DKC1: variants seen among roughly 807,000 people sequenced by gnomAD.
The protein encoded by DKC1 is H/ACA ribonucleoprotein complex subunit DKC1.
A neutral mutation model predicts 46.7 loss-of-function variants in DKC1; 4 were observed. The ratio of observed to expected loss-of-function variants is 0.09; its 90% CI spans 0.04 to 0.20. DKC1 has a LOEUF of 0.20. Among genes scored for constraint, DKC1 ranks in the 10% least tolerant of loss-of-function variants. DKC1 has a pLI of 1.00. For missense variants in DKC1, 171 were observed against 404.2 expected, an observed-to-expected ratio of 0.42 and a Z score of 4.95; for synonymous variants, 141 against 142.4, an observed-to-expected ratio of 0.99 and a Z score of 0.07.
chrX:154,763,205 C>G (rs1346121723), intron 1 of DKC1, among the ~76,000 whole-genome samples: 1 of 112,014 alleles, frequency 8.9e-6, no homozygotes, highest in Non-Finnish European at 1.9e-5. Flanking sequence ...GGGCTCGGCC[C>G]TCTCACCTCC....
intron 11 of DKC1, among the ~76,000 whole-genome samples, chrX:154,773,721 A>G (rs1435828419): frequency 1.8e-5 from 2 of 112,002 alleles, no homozygotes; most frequent in African/African-American, 6.5e-5. Context: ...AGACACGGCA[A>G]CCATCCGATT....
At chrX:154,770,637 A>G (rs782109688) in intron 9 of DKC1, 122 bp from the exon 10 acceptor site, 17 of 967,514 alleles carry the variant, frequency 1.8e-5, no homozygotes, top group Middle Eastern at 3.6e-4. Context: ...CTAGTGGGCT[A>G]TAAGTGTCAT....
intron 9 of DKC1, among the ~76,000 whole-genome samples, chrX:154,770,522 C>T (rs1479086739): frequency 9.9e-6 from 1 of 101,158 alleles, no homozygotes; most frequent in African/African-American, 3.6e-5. Context: ...AACCTGAAAA[C>T]CTGAAAGTCT....
Position 154,769,223 on chromosome X carries a change from C to T in DKC1, c.828C>T (p.His276=), listed in dbSNP as rs1603429504. Residue 276 remains histidine, a synonymous_variant, in exon 9 of 15, where the codon CAC becomes CAT. Coordinates refer to ENST00000369550, the MANE Select transcript of DKC1 (RefSeq NM_001363.5). ...VLDAQWLYDN[H]KDESYLRRVV... ...ATGCTCAGTGGCTGTATGATAACCA[C>T]AAGGATGAGAGTTACCTGCGGCGAG... is the stretch of plus-strand genomic sequence containing the variant. 1.7e-6 allele frequency: 2 copies of T among 1,210,522 alleles called. No individual in the cohort carries two copies. Among genetic ancestry groups the T allele is most frequent in the Non-Finnish European group, 1.1e-6 (1 of 894,787 alleles).
Position 154,765,987 on chromosome X carries a change from G to A in DKC1, c.252G>A (p.Gly84=), listed in dbSNP as rs1557264111. ...CGSNPLKREI[G]DYIRTGFINL... is the part of the protein sequence containing the mutation. The stretch of plus-strand genomic sequence containing the variant: ...CAAATCCTCTGAAGAGAGAGATTGG[G>A]GACTATATCAGGTAAGTGTTGGGAG... The change falls in exon 4 of 15, where the codon GGG becomes GGA. Residue 84 remains glycine, a synonymous_variant. Coordinates refer to ENST00000369550, the MANE Select transcript of DKC1 (RefSeq NM_001363.5). 8.3e-7 allele frequency: 1 copy of A among 1,199,108 alleles called. No individual in the cohort carries two copies. Among genetic ancestry groups the A allele is most frequent in the East Asian group, 3.0e-5 (1 of 33,832 alleles).
intron 4 of DKC1, 71 bp downstream of exon 4, chrX:154,766,069 A>C (rs988960799): frequency 2.0e-6 from 2 of 1,006,200 alleles, no homozygotes; most frequent in African/African-American, 3.7e-5. Context: ...GCTATTCAGG[A>C]AGGCAGTGGC....
intron 1 of DKC1, among the ~76,000 whole-genome samples, chrX:154,764,406 C>T (rs1264965336): frequency 1.8e-5 from 2 of 109,097 alleles, no homozygotes; most frequent in African/African-American, 3.3e-5. Context: ...ACCTAGGCTA[C>T]ACTAAATTTA....
chrX:154,766,908 G>A, intron 5 of DKC1, 89 bp from the exon 6 acceptor site: 4 of 884,333 alleles, frequency 4.5e-6, no homozygotes, highest in South Asian at 2.0e-5. Flanking sequence ...TTTTCCTGCT[G>A]TGCAAAATGG....
intron 7 of DKC1, among the ~76,000 whole-genome samples, chrX:154,767,843 CTTTTTTTTTTTTT>C (rs35184460): frequency 3.1e-5 from 2 of 65,175 alleles, no homozygotes; most frequent in African/African-American, 6.8e-5. Context: ...AATTACAGAT[CTTTTTTTTTTTTT>C]TTTTTTTTTT....
chrX:154,770,467 T>TAAA (rs150045442), intron 9 of DKC1, among the ~76,000 whole-genome samples: 69 of 67,748 alleles, frequency 1.0e-3, no homozygotes, highest in Non-Finnish European at 1.5e-3. Context: ...GCCTGAAAAT[T>TAAA]AAAAAAAAAA....
intron 4 of DKC1, 104 bp downstream of exon 4, chrX:154,766,102 A>G (rs1418082311): frequency 2.0e-6 from 2 of 995,170 alleles, no homozygotes; most frequent in African/African-American, 3.8e-5. Flanking sequence ...CTTTGTCTTG[A>G]ATATATAACC....
intron 2 of DKC1, 150 bp downstream of exon 2, chrX:154,765,116 C>A: frequency 1.9e-6 from 1 of 513,052 alleles, no homozygotes; most frequent in Non-Finnish European, 3.4e-6. Context: ...TGAAATGACA[C>A]AGCCCCAGAC....
At chrX:154,776,087 T>C (rs1406758645) in intron 13 of DKC1, 100 bp from the exon 14 acceptor site, 2 of 1,042,499 alleles carry the variant, frequency 1.9e-6, no homozygotes, top group Non-Finnish European at 2.7e-6. Context: ...TTAGATTCAG[T>C]TGGGATCTTT....
intron 5 of DKC1, 191 bp downstream of exon 5, chrX:154,766,591 C>T (rs2071748063): frequency 2.2e-6 from 1 of 457,917 alleles, no homozygotes; most frequent in African/African-American, 2.5e-5. Context: ...TGGAATTCCA[C>T]ATACTAAGCA....
Position 154,765,934 on chromosome X carries a change from A to G in DKC1, c.199A>G (p.Thr67Ala), listed in dbSNP as rs1557264100. ...KNFDKLNVRTTHYTPLACGSN... is the reference protein window; with the variant it reads ...KNFDKLNVRTAHYTPLACGSN... ...TTTTGATAAGCTGAATGTAAGGACA[A>G]CACACTATACACCTCTTGCATGTGG... The change falls in exon 4 of 15, where the codon ACA (threonine) becomes GCA (alanine). Residue 67 changes from threonine (T) to alanine (A), a missense_variant. Physicochemically the swap from Thr to Ala is moderately conservative, Grantham distance 58. Transcript: ENST00000369550. The G allele has an allele frequency of 2.5e-6, 3 of 1,209,332 alleles. No individual in the cohort carries two copies. The highest frequency in any genetic ancestry group is 2.2e-5 in the Admixed American group (1 of 46,031).
At chrX:154,771,585 A>C (rs951448674) in intron 10 of DKC1, among the ~76,000 whole-genome samples, 1 of 106,575 alleles carries the variant, frequency 9.4e-6, no homozygotes, top group African/African-American at 3.5e-5. Context: ...TTCTCTGTCC[A>C]TGAGTTCAAT....
rs1557265114 is a variant in DKC1 at position 154,773,124 on chromosome X, C to T, written c.1037-7C>T. 3.6e-6 allele frequency: 4 copies of T among 1,116,871 alleles called. No homozygotes were observed. Among genetic ancestry groups the T allele is most frequent in the Non-Finnish European group, 3.7e-6 (3 of 810,613 alleles). 92.0% of individuals were successfully genotyped at this position (1,116,871 alleles called of 1,213,427 possible). On this transcript the variant is annotated splice_region_variant and splice_polypyrimidine_tract_variant and intron_variant, in intron 10 of 14. Transcript: ENST00000369550. ...AAATAATTCTTTTCTTTATTCAATG[C>T]CTGTAGCTATTGCATTAATGACCAC... is the stretch of plus-strand genomic sequence containing the variant.
chrX:154,765,793 T>C, intron 3 of DKC1, 114 bp from the exon 4 acceptor site: 1 of 610,568 alleles, frequency 1.6e-6, no homozygotes, highest in Middle Eastern at 3.8e-4. Flanking sequence ...GTTTTTGTAC[T>C]TAGTCCATCT....
At chrX:154,774,750 A>G in intron 12 of DKC1, 45 bp downstream of exon 12, 2 of 1,063,943 alleles carry the variant, frequency 1.9e-6, no homozygotes, top group Non-Finnish European at 2.6e-6. Flanking sequence ...GAGACGGCAC[A>G]CTTGCTGCCT....
Sources: allele counts gnomAD v4.1 joint callset (sites outside exome capture counted in the v4.1 genomes callset), GRCh38; gene constraint gnomAD v4.1.1; transcripts MANE v1.5; gene names NCBI Gene and HGNC (gene_info 2026-07-23, HGNC 2026-07-21).